The following CST7 variants were observed in gnomAD, a reference collection of about 807,000 sequenced individuals.
CST7 encodes the protein cystatin-F.
A neutral mutation model predicts 13.1 loss-of-function variants in CST7; 15 were observed. The observed-to-expected ratio is 1.14, with a 90% CI of 0.77 to 1.76. The LOEUF (loss-of-function observed/expected upper bound fraction) is 1.76, where lower values mean the gene tolerates loss of function less well. Among genes scored for constraint, CST7 ranks in the 40% most tolerant of loss-of-function variants. CST7 has a pLI of 0.00. For synonymous variants in CST7, 75 were observed against 66.9 expected, an observed-to-expected ratio of 1.12 and a Z score of -0.59; for missense variants, 193 against 178.8, an observed-to-expected ratio of 1.08 and a Z score of -0.45.
At chr20:24,958,815 T>C in intron 2 of CST7, 113 bp from the exon 3 acceptor site, 1 of 772,070 alleles carries the variant, frequency 1.3e-6, no homozygotes, top group Non-Finnish European at 2.2e-6. Context: ...GCTGGCCCAC[T>C]TCCCTTCTCC....
chr20:24,954,529 A>G (rs2087841390), intron 1 of CST7, among the ~76,000 whole-genome samples: 2 of 152,234 alleles, frequency 1.3e-5, no homozygotes, highest in Non-Finnish European at 2.9e-5. Flanking sequence ...TTCCTTGTTA[A>G]TTTCTCTAAA....
At chr20:24,950,294 C>T (rs573566866) in intron 1 of CST7, among the ~76,000 whole-genome samples, 18 of 152,310 alleles carry the variant, frequency 1.2e-4, no homozygotes, top group African/African-American at 4.3e-4. Flanking sequence ...TGAGGTGACC[C>T]GCTCAAGTCA....
At chr20:24,953,638 G>C (rs1251911349) in intron 1 of CST7, among the ~76,000 whole-genome samples, 1 of 151,992 alleles carries the variant, frequency 6.6e-6, no homozygotes, top group Non-Finnish European at 1.5e-5. Context: ...CAGCTTCTAC[G>C]TCTGGAAGCT....
chr20:24,953,739 G>C (rs2087835347), intron 1 of CST7, among the ~76,000 whole-genome samples: 2 of 152,184 alleles, frequency 1.3e-5, no homozygotes, highest in Admixed American at 1.3e-4. Flanking sequence ...GCAGGCTCCT[G>C]GTGCGAGCCT....
intron 1 of CST7, among the ~76,000 whole-genome samples, chr20:24,954,621 A>G (rs1000094451): frequency 3.9e-5 from 6 of 152,240 alleles, no homozygotes; most frequent in African/African-American, 1.4e-4. Context: ...AGACAACTGT[A>G]AGACAGTGAA....
Position 24,957,421 on chromosome 20 carries a change from T to G in CST7, c.205T>G (p.Leu69Val). 6.2e-7 allele frequency: 1 copy of G among 1,613,768 alleles called. No homozygotes were observed. Among genetic ancestry groups the G allele is most frequent in the Non-Finnish European group, 8.5e-7 (1 of 1,179,786 alleles). Residue 69 changes from leucine to valine, a missense_variant, in exon 2 of 4, where the codon TTG (leucine) becomes GTG (valine). Physicochemically the swap from Leu to Val is conservative, Grantham distance 32. Transcript: ENST00000480798. Reference sequence around the variant, plus strand: ...CAACAACTGCACGAACGACATGTTCTTGTTCAAGGAGTCCCGCATCACAAG... The same window carrying G: ...CAACAACTGCACGAACGACATGTTCGTGTTCAAGGAGTCCCGCATCACAAG... The part of the protein sequence containing the change: ...KFNNCTNDMF[L>V]FKESRITRAL...
chr20:24,949,383 GC>G lies in CST7; in HGVS notation c.-122del. 3 of 1,586,688 alleles carry G rather than the reference GC, an allele frequency of 1.9e-6. No individual in the cohort carries two copies. The highest frequency in any genetic ancestry group is 2.6e-6 in the Non-Finnish European group (3 of 1,165,032). ...ACAGACCACTGCCCCCACCTGCCCT[GC>G]GCCATCTACCCAAGAAGGCTCGGCA... On this transcript the variant is annotated 5_prime_UTR_variant, in exon 1 of 4. The change abolishes the stop of an existing upstream ORF in the 5' untranslated region. Transcript: ENST00000480798.
At chr20:24,952,297 G>C (rs886296267) in intron 1 of CST7, among the ~76,000 whole-genome samples, 9 of 152,236 alleles carry the variant, frequency 5.9e-5, no homozygotes, top group Admixed American at 5.2e-4. Context: ...CAGCTTGCCT[G>C]AGATCATACA....
At chr20:24,951,708 C>A (rs2087820233) in intron 1 of CST7, among the ~76,000 whole-genome samples, 1 of 152,208 alleles carries the variant, frequency 6.6e-6, no homozygotes, top group Admixed American at 6.5e-5. Context: ...TCTCTCCACA[C>A]CCATGCACTG....
At chr20:24,956,024 C>T (rs910636504) in intron 1 of CST7, among the ~76,000 whole-genome samples, 17 of 152,146 alleles carry the variant, frequency 1.1e-4, no homozygotes, top group Admixed American at 1.1e-3. Flanking sequence ...CACGGGACAG[C>T]CATTTGCCAG....
At position 24,958,931 on chromosome 20, in the gene CST7, G is replaced by A. The variant is rs771107712; in HGVS notation, c.247G>A (p.Val83Met). 1.2e-6 allele frequency: 2 copies of A among 1,612,464 alleles called. No individual in the cohort carries two copies. The highest frequency in any genetic ancestry group is 2.2e-5 in the East Asian group (1 of 44,854). The change falls in exon 3 of 4, where the codon GTG (valine) becomes ATG (methionine). Residue 83 changes from valine to methionine, a missense_variant. Transcript: ENST00000480798. ...CCAGTCCCTTTGCTCCCTCCAGATA[G>A]TGAAAGGCCTGAAATATATGCTGGA... ...SRITRALVQI[V>M]KGLKYMLEVE... is the part of the protein sequence containing the mutation.
intron 1 of CST7, among the ~76,000 whole-genome samples, chr20:24,956,138 C>G (rs1254503970): frequency 6.6e-6 from 1 of 152,192 alleles, no homozygotes; most frequent in Non-Finnish European, 1.5e-5. Context: ...CGGCGCTGCA[C>G]CACCCAGCCT....
intron 3 of CST7, 53 bp from the exon 4 acceptor site, chr20:24,959,582 G>A: frequency 1.3e-6 from 2 of 1,561,384 alleles, no homozygotes; most frequent in Non-Finnish European, 1.8e-6. Context: ...CACGGGCAGA[G>A]GGCTCCCCGC....
chr20:24,957,346 A>C lies in CST7; in HGVS notation c.130A>C (p.Thr44Pro). Residue 44 changes from threonine to proline, a missense_variant, in exon 2 of 4, where the codon ACC becomes CCC. Physicochemically the swap from Thr to Pro is conservative, Grantham distance 38. Transcript: ENST00000480798. ...GCCAGGATTTCCTAAAACAATAAAG[A>C]CCAATGACCCAGGAGTCCTCCAAGC... ...VKPGFPKTIK[T>P]NDPGVLQAAR... is the part of the protein sequence containing the mutation. 1 of 1,613,644 alleles carries C rather than the reference A, an allele frequency of 6.2e-7. No homozygotes were observed. The highest frequency in any genetic ancestry group is 8.5e-7 in the Non-Finnish European group (1 of 1,179,772).
chr20:24,949,593 C>T lies in CST7; in HGVS notation c.70+18C>T, dbSNP rs2087807534. On this transcript the variant is annotated intron_variant, in intron 1 of 3. Transcript: ENST00000480798. ...TTCCCCAGGTAAGTGGCGTTCTCCC[C>T]TGTCCGCTCCCCGGGGGTCTCTCCC... 14 of 1,613,500 alleles carry T rather than the reference C, an allele frequency of 8.7e-6. No homozygotes were observed. Among genetic ancestry groups the T allele is most frequent in the Non-Finnish European group, 1.2e-5 (14 of 1,179,728 alleles).
intron 1 of CST7, among the ~76,000 whole-genome samples, chr20:24,955,947 A>G (rs1171344761): frequency 6.6e-6 from 1 of 152,140 alleles, no homozygotes; most frequent in African/African-American, 2.4e-5. Flanking sequence ...CTGGGCTGCT[A>G]AAGCACAAGG....
intron 1 of CST7, among the ~76,000 whole-genome samples, chr20:24,955,411 G>C (rs916438612): frequency 3.3e-5 from 5 of 151,880 alleles, no homozygotes; most frequent in African/African-American, 9.6e-5. Context: ...CTCAGGAACA[G>C]AGCGGTTTCT....
chr20:24,959,594 G>C, intron 3 of CST7, 41 bp from the exon 4 acceptor site: 1 of 1,599,538 alleles, frequency 6.3e-7, no homozygotes. Context: ...GCTCCCCGCA[G>C]GGAAAGTCTA....
rs990548671 is a variant in CST7 at position 24,959,497 on chromosome 20, T to A, written c.361-138T>A. 2.9e-5 allele frequency: 21 copies of A among 715,936 alleles called. No homozygotes were observed. In the East Asian group the frequency reaches 5.5e-4, roughly 19 times the overall value. The allele number at this position is 715,936 out of a possible 1,614,324, so 44.3% of individuals were successfully genotyped here. A position where few individuals can be genotyped will look rare whatever the true frequency, so the allele number is the denominator to read the frequency against. Reference sequence around the variant, plus strand: ...CATTTTCTTAAATCGTTCTTTCAAGTTTTCTGTAGGTTTGAAATTTTTCAA... The same window carrying A: ...CATTTTCTTAAATCGTTCTTTCAAGATTTCTGTAGGTTTGAAATTTTTCAA... On this transcript the variant is annotated intron_variant, in intron 3 of 3. Transcript: ENST00000480798.
Sources: allele counts gnomAD v4.1 joint callset (sites outside exome capture counted in the v4.1 genomes callset), GRCh38; gene constraint gnomAD v4.1.1; transcripts MANE v1.5; gene names NCBI Gene and HGNC (gene_info 2026-07-23, HGNC 2026-07-21).